The following NT5C2 variants were observed in gnomAD, a reference collection of about 807,000 sequenced individuals.
The protein encoded by NT5C2 is 5'-nucleotidase, cytosolic II.
Under a neutral mutation model 76.1 loss-of-function variants are expected in NT5C2, and 58 were observed. That is an observed-to-expected ratio of 0.76 (90% CI 0.62 to 0.95). The LOEUF (loss-of-function observed/expected upper bound fraction) is 0.95, where lower values mean the gene tolerates loss of function less well. NT5C2 is among the 40% of genes least tolerant of loss of function. The pLI is 0.00. For missense variants in NT5C2, 478 were observed against 690.3 expected, an observed-to-expected ratio of 0.69 and a Z score of 3.45; for synonymous variants, 229 against 237.4, an observed-to-expected ratio of 0.96 and a Z score of 0.32.
At chr10:103,121,311 T>G (rs1306361039) in intron 4 of NT5C2, among the ~76,000 whole-genome samples, 1 of 152,230 alleles carries the variant, frequency 6.6e-6, no homozygotes, top group Non-Finnish European at 1.5e-5. Context: ...ATAAATTTTT[T>G]TAATGCTGGA....
rs1380495934 is a variant in NT5C2, at chr10:103,120,720, G to C, written c.176-14014C>G. Among the ~76,000 whole-genome samples, 9 of 152,318 alleles carry C rather than the reference G, an allele frequency of 5.9e-5. No homozygotes were observed. In the South Asian group the frequency reaches 1.9e-3, roughly 32 times the overall value. ...TGTAAGATGTTACAGCCACTATAGA[G>C]AACAGTTTGGCAGTTCTTTAAAAAG... On this transcript the variant is annotated intron_variant, in intron 4 of 18. Coordinates refer to ENST00000404739, the MANE Select transcript of NT5C2 (RefSeq NM_001351169.2).
intron 3 of NT5C2, among the ~76,000 whole-genome samples, chr10:103,162,797 A>AT: frequency 6.6e-6 from 1 of 152,308 alleles, no homozygotes; most frequent in East Asian, 1.9e-4. Flanking sequence ...AATTACTATT[A>AT]TTTTATTATT....
At chr10:103,097,194 T>C in intron 11 of NT5C2, 97 bp downstream of exon 11, 1 of 924,688 alleles carries the variant, frequency 1.1e-6, no homozygotes, top group East Asian at 2.7e-5. Context: ...AAGAAACTAT[T>C]TTCACTTAAT....
chr10:103,133,273 C>A (rs2078576823), intron 4 of NT5C2, among the ~76,000 whole-genome samples: 1 of 148,888 alleles, frequency 6.7e-6, no homozygotes, highest in Non-Finnish European at 1.5e-5. Context: ...GTCCATTAAA[C>A]TTTTTTTTTT....
intron 3 of NT5C2, among the ~76,000 whole-genome samples, chr10:103,153,110 C>A (rs948283220): frequency 3.3e-5 from 5 of 152,128 alleles, no homozygotes; most frequent in Non-Finnish European, 7.4e-5. Flanking sequence ...TTCAAAACAA[C>A]AATAGCAACT....
At chr10:103,119,804 C>T (rs891622126) in intron 4 of NT5C2, among the ~76,000 whole-genome samples, 9 of 151,122 alleles carry the variant, frequency 6.0e-5, no homozygotes, top group Non-Finnish European at 1.3e-4. Context: ...TTTCATTAAA[C>T]AAAAAAAAAG....
chr10:103,119,943 A>T (rs1016952269), intron 4 of NT5C2, among the ~76,000 whole-genome samples: 9 of 151,992 alleles, frequency 5.9e-5, no homozygotes, highest in African/African-American at 1.9e-4. Context: ...TACAAAAAAT[A>T]AAAAAATTAG....
At chr10:103,191,378 G>A (rs1255897377) in intron 1 of NT5C2, among the ~76,000 whole-genome samples, 12 of 125,074 alleles carry the variant, frequency 9.6e-5, no homozygotes, top group Admixed American at 2.6e-4. Context: ...GCAAAGCTCC[G>A]TCTCAAAAAA....
At chr10:103,097,157 C>T in intron 11 of NT5C2, 134 bp downstream of exon 11, 2 of 630,498 alleles carry the variant, frequency 3.2e-6, no homozygotes. Context: ...ATATTTTTGC[C>T]TTTTTACTCT....
chr10:103,105,371 C>T, intron 6 of NT5C2: 1 of 960,210 alleles, frequency 1.0e-6, no homozygotes, highest in South Asian at 2.0e-5. Context: ...TTCTGAACAG[C>T]TACCTGAGAA....
intron 1 of NT5C2, among the ~76,000 whole-genome samples, chr10:103,184,025 T>C (rs1045540391): frequency 7.2e-5 from 11 of 151,854 alleles, no homozygotes; most frequent in African/African-American, 2.7e-4. Flanking sequence ...CGATCTCGGC[T>C]CAATGCAACC....
chr10:103,102,281 T>G (rs2069924984), intron 6 of NT5C2, among the ~76,000 whole-genome samples: 1 of 152,076 alleles, frequency 6.6e-6, no homozygotes, highest in Non-Finnish European at 1.5e-5. Flanking sequence ...AGGCTTAATC[T>G]CTCTTGCAGC....
intron 4 of NT5C2, among the ~76,000 whole-genome samples, chr10:103,119,955 C>T (rs887942037): frequency 1.3e-5 from 2 of 151,950 alleles, no homozygotes; most frequent in African/African-American, 4.8e-5. Context: ...AAAAATTAGC[C>T]AGGCATGATG....
At chr10:103,093,745 T>TTA in intron 14 of NT5C2, 1 of 452,710 alleles carries the variant, frequency 2.2e-6, no homozygotes, top group Non-Finnish European at 4.0e-6. Context: ...CAATAGGATT[T>TTA]AAAAAAAAAA....
intron 3 of NT5C2, among the ~76,000 whole-genome samples, chr10:103,154,487 AT>A (rs1236257233): frequency 6.6e-6 from 1 of 152,226 alleles, no homozygotes; most frequent in Non-Finnish European, 1.5e-5. Flanking sequence ...GAAAAGCAGT[AT>A]GGTGTAATGG....
intron 3 of NT5C2, chr10:103,146,283 A>G: frequency 1.0e-6 from 1 of 985,412 alleles, no homozygotes; most frequent in Non-Finnish European, 1.2e-6. Context: ...TTTGGAATAG[A>G]ATTTCTTTGG....
intron 1 of NT5C2, among the ~76,000 whole-genome samples, chr10:103,184,810 A>C (rs1235964069): frequency 6.6e-6 from 1 of 152,216 alleles, no homozygotes; most frequent in African/African-American, 2.4e-5. Flanking sequence ...TCGGAACAAA[A>C]GCTTCCTTGT....
chr10:103,151,464 T>TA (rs371652593), intron 3 of NT5C2, among the ~76,000 whole-genome samples: 26,565 of 138,914 alleles, frequency 0.19, 2,622 homozygotes, highest in African/African-American at 0.28. Flanking sequence ...AACCTGTTCT[T>TA]AAAAAAAAAA....
At chr10:103,103,349 T>C in intron 6 of NT5C2, among the ~76,000 whole-genome samples, 1 of 152,208 alleles carries the variant, frequency 6.6e-6, no homozygotes, top group Admixed American at 6.5e-5. Flanking sequence ...TTCCAAGATT[T>C]TCTTTAATAA....
Sources: gnomAD v4.1 joint callset for allele counts (sites outside exome capture counted in the v4.1 genomes callset) on GRCh38, gnomAD v4.1.1 for gene constraint, MANE v1.5 for transcripts, NCBI Gene and HGNC (gene_info 2026-07-23, HGNC 2026-07-21) for gene names.